Variants in KIAA1671 observed in about 807,000 individuals in gnomAD.
The protein encoded by KIAA1671 is KIAA1671.
A neutral mutation model predicts 131.2 loss-of-function variants in KIAA1671; 52 were observed. The observed-to-expected ratio is 0.40, with a 90% CI of 0.32 to 0.50. The LOEUF is 0.50. Ranked by LOEUF, KIAA1671 falls within the 20% of genes least tolerant of loss-of-function variation. The probability of loss-of-function intolerance (pLI) is 0.73; values close to 1 mark genes in which losing one functional copy is unlikely to be tolerated. For synonymous variants in KIAA1671, 1,003 were observed against 961.6 expected (o/e 1.04, Z -0.80); for missense variants, 2,360 against 2,364.2 (o/e 1.00, Z 0.04).
At chr22:25,065,649 T>A (rs1928432204) in intron 6 of KIAA1671, among the ~76,000 whole-genome samples, 1 of 143,754 alleles carries the variant, frequency 7.0e-6, no homozygotes, top group Admixed American at 6.8e-5. Context: ...TTATTATTAT[T>A]TTTTTTTTTT....
At chr22:25,177,557 A>AT in intron 9 of KIAA1671, 35 bp downstream of exon 9, 2 of 1,520,410 alleles carry the variant, frequency 1.3e-6, no homozygotes, top group Admixed American at 4.0e-5. Flanking sequence ...CAGATAGCAC[A>AT]TTGAACAGCA....
chr22:25,157,355 A>G (rs753052006), intron 6 of KIAA1671, among the ~76,000 whole-genome samples: 9 of 151,936 alleles, frequency 5.9e-5, no homozygotes, highest in Non-Finnish European at 1.0e-4. Context: ...CCCCTCACGA[A>G]TGGCAGGGTC....
intron 6 of KIAA1671, among the ~76,000 whole-genome samples, chr22:25,165,637 A>G (rs1227202329): frequency 6.6e-6 from 1 of 152,224 alleles, no homozygotes; most frequent in East Asian, 1.9e-4. Flanking sequence ...ATAAGTGGCT[A>G]GTGGCTACTG....
At chr22:24,993,617 G>A (rs919877418) in intron 1 of KIAA1671, among the ~76,000 whole-genome samples, 5 of 152,130 alleles carry the variant, frequency 3.3e-5, no homozygotes, top group Non-Finnish European at 7.3e-5. Flanking sequence ...TTGTCTTGGT[G>A]CATGGCTTAT....
In KIAA1671 at chr22:25,039,308, G is replaced by A. The variant is rs936737531; in HGVS notation, c.2178G>A (p.Ser726=). The change falls in exon 5 of 13, where the codon TCG becomes TCA. Residue 726 remains serine (S), a synonymous_variant. Coordinates refer to ENST00000358431, the MANE Select transcript of KIAA1671 (RefSeq NM_001145206.2). ...FLKHLENPPT[S]QRIEPRYDIV... is the part of the protein sequence containing the mutation. ...AACACTTGGAAAATCCTCCCACATC[G>A]CAGAGAATTGAGCCCAGATATGACA... is the stretch of plus-strand genomic sequence containing the variant. 4 of 1,552,126 alleles carry A rather than the reference G, an allele frequency of 2.6e-6. No individual in the cohort carries two copies. Among genetic ancestry groups the A allele is most frequent in the Non-Finnish European group, 3.5e-6 (4 of 1,147,090 alleles).
At chr22:24,960,627 G>A (rs2123797183) in intron 1 of KIAA1671, among the ~76,000 whole-genome samples, 1 of 143,700 alleles carries the variant, frequency 7.0e-6, no homozygotes, top group Non-Finnish European at 1.5e-5. Flanking sequence ...ATCCCCTGTT[G>A]ATGGACATTG....
At chr22:25,079,226 G>A (rs1929269100) in intron 6 of KIAA1671, among the ~76,000 whole-genome samples, 1 of 144,684 alleles carries the variant, frequency 6.9e-6, no homozygotes, top group African/African-American at 2.8e-5. Flanking sequence ...CCTGCCCCAG[G>A]GACTAACTTT....
chr22:25,111,369 T>C (rs1931334737), intron 6 of KIAA1671, among the ~76,000 whole-genome samples: 2 of 152,070 alleles, frequency 1.3e-5, no homozygotes, highest in African/African-American at 4.8e-5. Flanking sequence ...AGTTGGGACT[T>C]GGGGGAGAAA....
chr22:25,153,522 A>G (rs1933120701), intron 6 of KIAA1671, among the ~76,000 whole-genome samples: 1 of 152,212 alleles, frequency 6.6e-6, no homozygotes. Flanking sequence ...TGCCTTTCTA[A>G]AACCTGAAAA....
intron 6 of KIAA1671, among the ~76,000 whole-genome samples, chr22:25,165,724 G>T (rs1933621674): frequency 6.6e-6 from 1 of 152,228 alleles, no homozygotes; most frequent in African/African-American, 2.4e-5. Flanking sequence ...CAGCCCTCAG[G>T]GTAGGACGGT....
chr22:25,027,676 T>A (rs922740026), intron 2 of KIAA1671, among the ~76,000 whole-genome samples: 1 of 152,210 alleles, frequency 6.6e-6, no homozygotes, highest in Admixed American at 6.5e-5. Context: ...CTAGATTAGC[T>A]GTCAGGGGAA....
At chr22:25,103,099 G>T (rs971447402) in intron 6 of KIAA1671, among the ~76,000 whole-genome samples, 1 of 152,186 alleles carries the variant, frequency 6.6e-6, no homozygotes, top group Non-Finnish European at 1.5e-5. Context: ...AACAACCCAG[G>T]TAAGTGCAGA....
chr22:25,070,730 A>T (rs1425479233), intron 6 of KIAA1671, among the ~76,000 whole-genome samples: 1 of 152,158 alleles, frequency 6.6e-6, no homozygotes, highest in Admixed American at 6.5e-5. Context: ...TTTTTCAGAA[A>T]GCAACATTTA....
chr22:24,974,812 C>A (rs962555019), intron 1 of KIAA1671, among the ~76,000 whole-genome samples: 2 of 151,456 alleles, frequency 1.3e-5, no homozygotes, highest in African/African-American at 4.9e-5. Context: ...CCTGTCTCAG[C>A]CTCCCGAGTA....
chr22:25,024,706 G>A (rs943510166), intron 1 of KIAA1671: 1 of 152,172 alleles, frequency 6.6e-6, no homozygotes, highest in Admixed American at 6.5e-5. Flanking sequence ...TATTAACTCA[G>A]CAATGATTTA....
intron 11 of KIAA1671, among the ~76,000 whole-genome samples, chr22:25,189,148 T>C (rs865982009): frequency 1.4e-4 from 19 of 135,198 alleles, no homozygotes; most frequent in Admixed American, 2.2e-4. Context: ...TTTTTTTTGT[T>C]TTGTTTTTTT....
intron 1 of KIAA1671, among the ~76,000 whole-genome samples, chr22:24,972,581 C>G (rs1432012665): frequency 6.6e-6 from 1 of 152,128 alleles, no homozygotes; most frequent in African/African-American, 2.4e-5. Flanking sequence ...CCTGTACTTT[C>G]TTCCTTCTTT....
chr22:25,004,718 G>A (rs1343086841), intron 1 of KIAA1671, among the ~76,000 whole-genome samples: 6 of 152,016 alleles, frequency 3.9e-5, no homozygotes, highest in East Asian at 1.9e-4. Context: ...AGGCCGAGGC[G>A]GGCAGATCAT....
At chr22:24,978,332 G>A (rs1403832042) in intron 1 of KIAA1671, among the ~76,000 whole-genome samples, 1 of 152,154 alleles carries the variant, frequency 6.6e-6, no homozygotes, top group Non-Finnish European at 1.5e-5. Flanking sequence ...CTGCTGCCAT[G>A]TAAGAAGTGC....
Sources: gnomAD v4.1 joint callset for allele counts (sites outside exome capture counted in the v4.1 genomes callset) on GRCh38, gnomAD v4.1.1 for gene constraint, MANE v1.5 for transcripts, NCBI Gene and HGNC (gene_info 2026-07-23, HGNC 2026-07-21) for gene names.